Variants in NCK2 observed in about 807,000 individuals in gnomAD.
NCK2 encodes the protein cytoplasmic protein NCK2.
Under a neutral mutation model 33.9 loss-of-function variants are expected in NCK2, and 16 were observed. That is an observed-to-expected ratio of 0.47 (90% CI 0.32 to 0.72). NCK2 has a LOEUF of 0.72. Among genes scored for constraint, NCK2 ranks in the 30% least tolerant of loss-of-function variants. The probability of loss-of-function intolerance (pLI) is 0.03; values close to 1 mark genes in which losing one functional copy is unlikely to be tolerated. For synonymous variants in NCK2, 273 were observed against 239.9 expected, an observed-to-expected ratio of 1.14 and a Z score of -1.27; for missense variants, 418 against 537.3, an observed-to-expected ratio of 0.78 and a Z score of 2.19.
At chr2:105,831,406 A>G (rs993539469) in intron 2 of NCK2, among the ~76,000 whole-genome samples, 2 of 120,288 alleles carry the variant, frequency 1.7e-5, no homozygotes, top group African/African-American at 2.7e-5. Context: ...AATAAGCATG[A>G]TATCTTTTTT....
At chr2:105,889,486 C>A (rs1175879449) in intron 4 of NCK2, among the ~76,000 whole-genome samples, 1 of 151,988 alleles carries the variant, frequency 6.6e-6, no homozygotes, top group Non-Finnish European at 1.5e-5. Flanking sequence ...ACACACGGTG[C>A]TGGAGGTTAA....
chr2:105,818,439 A>G (rs982489703), intron 2 of NCK2, among the ~76,000 whole-genome samples: 6 of 151,968 alleles, frequency 3.9e-5, no homozygotes, highest in African/African-American at 1.4e-4. Context: ...AAAAATATAT[A>G]TATATAAAAA....
intron 3 of NCK2, among the ~76,000 whole-genome samples, chr2:105,862,887 G>A (rs1373554858): frequency 5.3e-5 from 8 of 152,196 alleles, no homozygotes; most frequent in Non-Finnish European, 4.4e-5. Context: ...AAGGTAGCTG[G>A]GAGTCTGGAG....
intron 3 of NCK2, among the ~76,000 whole-genome samples, chr2:105,879,071 A>G (rs1678355764): frequency 6.6e-6 from 1 of 152,228 alleles, no homozygotes; most frequent in Admixed American, 6.5e-5. Context: ...CCACTATCAA[A>G]TGTCTTTTTT....
At chr2:105,780,325 T>TACACACACAC (rs57857814) in intron 1 of NCK2, among the ~76,000 whole-genome samples, 22 of 147,360 alleles carry the variant, frequency 1.5e-4, no homozygotes, top group Non-Finnish European at 2.3e-4. Context: ...GAGAGATATA[T>TACACACACAC]ACACACACAC....
At chr2:105,755,555 A>G (rs1689576121) in intron 1 of NCK2, among the ~76,000 whole-genome samples, 1 of 152,234 alleles carries the variant, frequency 6.6e-6, no homozygotes, top group Non-Finnish European at 1.5e-5. Flanking sequence ...TTTTCAACAC[A>G]TTGCACGTTC....
At chr2:105,870,765 G>T (rs563423748) in intron 3 of NCK2, among the ~76,000 whole-genome samples, 23 of 152,024 alleles carry the variant, frequency 1.5e-4, no homozygotes, top group African/African-American at 4.3e-4. Flanking sequence ...AAGAAAGAAA[G>T]AAAGAATAAA....
At chr2:105,807,994 C>T (rs1482053697) in intron 1 of NCK2, among the ~76,000 whole-genome samples, 2 of 151,990 alleles carry the variant, frequency 1.3e-5, no homozygotes, top group African/African-American at 4.8e-5. Context: ...CCTCCGCCTC[C>T]TGGGTTCAAG....
At chr2:105,764,988 T>G (rs892367951) in intron 1 of NCK2, among the ~76,000 whole-genome samples, 4 of 151,248 alleles carry the variant, frequency 2.6e-5, no homozygotes, top group Non-Finnish European at 5.9e-5. Flanking sequence ...CCTGTGTACG[T>G]CTCTGGGTAT....
chr2:105,818,568 G>A (rs893769254), intron 2 of NCK2, among the ~76,000 whole-genome samples: 2 of 152,084 alleles, frequency 1.3e-5, no homozygotes, highest in African/African-American at 4.8e-5. Flanking sequence ...GTTAAATCAA[G>A]TATGAAAGCA....
chr2:105,787,611 T>G (rs1315131149), intron 1 of NCK2, among the ~76,000 whole-genome samples: 1 of 152,024 alleles, frequency 6.6e-6, no homozygotes, highest in Non-Finnish European at 1.5e-5. Flanking sequence ...TGGTCTTTTG[T>G]TAGGGCTGCC....
At chr2:105,891,569 G>GGGAT (rs1678984112) in intron 4 of NCK2, among the ~76,000 whole-genome samples, 1 of 6,594 alleles carries the variant, frequency 1.5e-4, no homozygotes, top group Admixed American at 1.2e-3. Flanking sequence ...TTTTTTTTTT[G>GGGAT]AGATTTTTCG....
intron 2 of NCK2, among the ~76,000 whole-genome samples, chr2:105,842,387 G>A (rs542055251): frequency 6.6e-6 from 1 of 152,078 alleles, no homozygotes; most frequent in Non-Finnish European, 1.5e-5. Context: ...CACCCAGCTT[G>A]TTTTTTTCTC....
At chr2:105,813,684 C>T (rs1675374875) in intron 1 of NCK2, among the ~76,000 whole-genome samples, 1 of 152,222 alleles carries the variant, frequency 6.6e-6, no homozygotes, top group South Asian at 2.1e-4. Flanking sequence ...GTGCTCAGCA[C>T]ACTCGCCCAA....
At chr2:105,843,685 A>G (rs919795955) in intron 2 of NCK2, among the ~76,000 whole-genome samples, 21 of 152,248 alleles carry the variant, frequency 1.4e-4, no homozygotes, top group African/African-American at 5.1e-4. Context: ...AGAAAAAGCA[A>G]TATTGGATGG....
intron 1 of NCK2, among the ~76,000 whole-genome samples, chr2:105,807,465 A>G (rs1271923538): frequency 1.3e-5 from 2 of 152,212 alleles, no homozygotes; most frequent in African/African-American, 4.8e-5. Context: ...ATTATTTAGT[A>G]GCATACAGCT....
rs1381403183 is a variant in NCK2 at position 105,861,875 on chromosome 2, C to CT, written c.226+6588dup. Among the ~76,000 whole-genome samples, 9 of 151,442 alleles carry CT rather than the reference C, an allele frequency of 5.9e-5. No homozygotes were observed. The East Asian group carries it at 1.8e-3, about 30-fold the overall frequency. On this transcript the variant is annotated intron_variant, in intron 3 of 4. Transcript: ENST00000233154. ...ACAAGAATCATGCTCAGCAATTTAT[C>CT]TTAAGATCAGACTGGCCTGGAATTC...
At chr2:105,783,389 G>A (rs1343880747) in intron 1 of NCK2, among the ~76,000 whole-genome samples, 1 of 152,132 alleles carries the variant, frequency 6.6e-6, no homozygotes, top group Non-Finnish European at 1.5e-5. Flanking sequence ...TTGTGCCCGT[G>A]TTCTGGGGTA....
At chr2:105,880,997 G>A (rs928676017) in intron 3 of NCK2, among the ~76,000 whole-genome samples, 1 of 139,674 alleles carries the variant, frequency 7.2e-6, no homozygotes, top group African/African-American at 2.6e-5. Context: ...TGTTGCTTAG[G>A]CTGGTCTCAG....
Sources: gnomAD v4.1 joint callset for allele counts (sites outside exome capture counted in the v4.1 genomes callset) on GRCh38, gnomAD v4.1.1 for gene constraint, MANE v1.5 for transcripts, NCBI Gene and HGNC (gene_info 2026-07-23, HGNC 2026-07-21) for gene names.